GRN: variants seen among roughly 807,000 people sequenced by gnomAD.
The protein encoded by GRN is progranulin.
In GRN, 30 loss-of-function variants were observed where a neutral mutation model predicts 66.7. The ratio of observed to expected loss-of-function variants is 0.45; its 90% CI spans 0.34 to 0.61. The LOEUF (loss-of-function observed/expected upper bound fraction) is 0.61. Ranked by LOEUF, GRN falls within the 20% of genes least tolerant of loss-of-function variation. GRN has a pLI of 0.01. For synonymous variants in GRN, 327 were observed against 311.1 expected (o/e 1.05, Z -0.54); for missense variants, 731 against 803.5 (o/e 0.91, Z 1.09).
chr17:44,350,555 T>C lies in GRN; in HGVS notation c.576T>C (p.Pro192=). The change falls in exon 6 of 13, where the codon CCT becomes CCC. Residue 192 remains proline, a synonymous_variant. Transcript: ENST00000053867. ...CCCACCCCCTGGCAAAGAAGCTCCC[T>C]GCCCAGAGGACTAACAGGGCAGGTG... is the stretch of plus-strand genomic sequence containing the variant. ...TGTHPLAKKL[P]AQRTNRAVAL... 1.2e-6 allele frequency: 2 copies of C among 1,613,938 alleles called. No individual in the cohort carries two copies. The highest frequency in any genetic ancestry group is 1.7e-6 in the Non-Finnish European group (2 of 1,179,946).
intron 8 of GRN, 81 bp downstream of exon 8, chr17:44,351,244 G>T: frequency 6.4e-7 from 1 of 1,568,366 alleles, no homozygotes; most frequent in Non-Finnish European, 8.8e-7. Context: ...ACTGCAAGGT[G>T]GTGTAAGCGG....
chr17:44,350,451 T>C lies in GRN; in HGVS notation c.472T>C (p.Cys158Arg), dbSNP rs2048361584. 6.2e-7 allele frequency: 1 copy of C among 1,613,844 alleles called. No individual in the cohort carries two copies. The highest frequency in any genetic ancestry group is 1.1e-5 in the South Asian group (1 of 91,082). The part of the protein sequence containing the change: ...GCCPMPQASC[C>R]EDRVHCCPHG... ...GACCATTTTTTCTCAGGCTTCCTGC[T>C]GTGAAGACAGGGTGCACTGCTGTCC... is the stretch of plus-strand genomic sequence containing the variant. Residue 158 changes from cysteine to arginine, a missense_variant, in exon 6 of 13, where the codon TGT becomes CGT. Transcript: ENST00000053867.
Position 44,352,752 on chromosome 17 carries a change from G to A in GRN, c.1736G>A (p.Arg579His), listed in dbSNP as rs373138049. The change falls in exon 13 of 13, where the codon CGC becomes CAC. Residue 579 changes from arginine to histidine, a missense_variant. By Grantham distance (29) the Arg-to-His change is conservative. Around this residue, in one of 3 missense-constraint regions of GRN, gnomAD observed 319 missense variants for 347.2 expected, o/e 0.92. Transcript: ENST00000053867. ...GTKCLRREAPRWDAPLRDPAL... is the reference protein window; with the variant it reads ...GTKCLRREAPHWDAPLRDPAL... ...AAGTGTTTGCGCAGGGAGGCCCCGC[G>A]CTGGGACGCCCCTTTGAGGGACCCA... 3.2e-5 allele frequency: 51 copies of A among 1,611,610 alleles called. No individual in the cohort carries two copies. The highest frequency in any genetic ancestry group is 4.0e-5 in the Non-Finnish European group (47 of 1,179,984).
rs768456085 is a variant in GRN at position 44,351,641 on chromosome 17, T to C, written c.1025T>C (p.Val342Ala). Residue 342 changes from valine to alanine, a missense_variant, in exon 10 of 13, where the codon GTG becomes GCG. By Grantham distance (64) the Val-to-Ala change is moderately conservative (BLOSUM62 0). This residue lies in a region of GRN where 319 missense variants were observed against 347.2 expected (regional missense o/e 0.92). Transcript: ENST00000053867. ...ACCTGTGAACAGGGGCCCCACCAGG[T>C]GCCCTGGATGGAGAAGGCCCCAGCT... The part of the protein sequence containing the change: ...KGTCEQGPHQ[V>A]PWMEKAPAHL... 5.6e-6 allele frequency: 9 copies of C among 1,613,972 alleles called. No individual in the cohort carries two copies. The highest frequency in any genetic ancestry group is 7.6e-6 in the Non-Finnish European group (9 of 1,179,920).
Position 44,352,053 on chromosome 17 carries a change from G to C in GRN, c.1218G>C (p.Gln406His). The change falls in exon 11 of 13, where the codon CAG becomes CAC. Residue 406 changes from glutamine to histidine, a missense_variant. Coordinates refer to ENST00000053867, the MANE Select transcript of GRN (RefSeq NM_002087.4). Reference protein sequence around the residue: ...CCSDHQHCCPQGYTCVAEGQC... With the variant: ...CCSDHQHCCPHGYTCVAEGQC... ...CGGACCACCAGCACTGCTGCCCCCAGGGCTACACGTGTGTAGCTGAGGGGC... is the reference window on the plus strand; with the variant it reads ...CGGACCACCAGCACTGCTGCCCCCACGGCTACACGTGTGTAGCTGAGGGGC... 1 of 1,612,962 alleles carries C rather than the reference G, an allele frequency of 6.2e-7. No individual in the cohort carries two copies. The highest frequency in any genetic ancestry group is 1.1e-5 in the South Asian group (1 of 91,032).
intron 4 of GRN, 137 bp from the exon 5 acceptor site, chr17:44,350,091 G>T: frequency 1.3e-6 from 1 of 753,042 alleles, no homozygotes. Flanking sequence ...GCCTGCCTAG[G>T]AGATCACTGA....
chr17:44,352,129 C>T lies in GRN; in HGVS notation c.1294C>T (p.Arg432Cys), dbSNP rs63750130. 149 of 1,613,696 alleles carry T rather than the reference C, an allele frequency of 9.2e-5. No homozygotes were observed. Among genetic ancestry groups the T allele is most frequent in the Middle Eastern group, 1.6e-4 (1 of 6,084 alleles). ...IVAGLEKMPA[R>C]RASLSHPRDI... ...GGCTGGACTGGAGAAGATGCCTGCC[C>T]GCCGGGCTTCCTTATCCCACCCCAG... Residue 432 changes from arginine (R) to cysteine (C), a missense_variant, in exon 11 of 13, where the codon CGC becomes TGC. By Grantham distance (180) the Arg-to-Cys change is radical (BLOSUM62 -3). Around this residue, in one of 3 missense-constraint regions of GRN, gnomAD observed 319 missense variants for 347.2 expected, o/e 0.92. Coordinates refer to ENST00000053867, the MANE Select transcript of GRN (RefSeq NM_002087.4).
chr17:44,349,444 C>G lies in GRN; in HGVS notation c.157C>G (p.Leu53Val), dbSNP rs906652114. ...RPLLDKWPTTLSRHLGGPCQV... is the reference protein window; with the variant it reads ...RPLLDKWPTTVSRHLGGPCQV... ...TTTCTAGGACAAATGGCCCACAACA[C>G]TGAGCAGGCATCTGGGTGGCCCCTG... The change falls in exon 3 of 13, where the codon CTG becomes GTG. Residue 53 changes from leucine to valine, a missense_variant. By Grantham distance (32) the Leu-to-Val change is conservative. Coordinates refer to ENST00000053867, the MANE Select transcript of GRN (RefSeq NM_002087.4). 4.3e-6 allele frequency: 7 copies of G among 1,614,092 alleles called. No individual in the cohort carries two copies. In the African/African-American group the frequency reaches 5.3e-5, roughly 12 times the overall value.
rs778271207 is a variant in GRN, at chr17:44,351,123, C to T, written c.795C>T (p.Asn265=). The change falls in exon 8 of 13, where the codon AAC becomes AAT. Residue 265 remains asparagine (N), a synonymous_variant. Transcript: ENST00000053867. ...LIQSKCLSKE[N]ATTDLLTKLP... is the part of the protein sequence containing the mutation. Reference sequence around the variant, plus strand: ...AGAGTAAGTGCCTCTCCAAGGAGAACGCTACCACGGACCTCCTCACTAAGC... The same window carrying T: ...AGAGTAAGTGCCTCTCCAAGGAGAATGCTACCACGGACCTCCTCACTAAGC... The T allele has an allele frequency of 1.7e-5, 27 of 1,613,966 alleles. No individual in the cohort carries two copies. Among genetic ancestry groups the T allele is most frequent in the South Asian group, 1.4e-4 (13 of 91,088 alleles).
At chr17:44,348,332 A>G (rs1016942844) in intron 1 of GRN, among the ~76,000 whole-genome samples, 9 of 152,154 alleles carry the variant, frequency 5.9e-5, no homozygotes, top group African/African-American at 1.2e-4. Flanking sequence ...GGTGACTCAG[A>G]TGGGCAGCCC....
In GRN at chr17:44,352,072, G is replaced by C; in HGVS notation, c.1237G>C (p.Glu413Gln). The stretch of plus-strand genomic sequence containing the variant: ...CCCCCAGGGCTACACGTGTGTAGCT[G>C]AGGGGCAGTGTCAGCGAGGAAGCGA... ...CCPQGYTCVA[E>Q]GQCQRGSEIV... Residue 413 changes from glutamate (E) to glutamine (Q), a missense_variant, in exon 11 of 13, where the codon GAG becomes CAG. Physicochemically the swap from Glu to Gln is conservative, Grantham distance 29 (BLOSUM62 2). Coordinates refer to ENST00000053867, the MANE Select transcript of GRN (RefSeq NM_002087.4). 2 of 1,613,718 alleles carry C rather than the reference G, an allele frequency of 1.2e-6. No individual in the cohort carries two copies. Among genetic ancestry groups the C allele is most frequent in the Non-Finnish European group, 1.7e-6 (2 of 1,179,908 alleles).
rs2048369569 is a variant in GRN at position 44,351,106 on chromosome 17, T to C, written c.778T>C (p.Cys260Arg). The part of the protein sequence containing the change: ...DTVCDLIQSK[C>R]LSKENATTDL... ...TGTGTGTGACCTGATCCAGAGTAAG[T>C]GCCTCTCCAAGGAGAACGCTACCAC... The change falls in exon 8 of 13, where the codon TGC (cysteine) becomes CGC (arginine). Residue 260 changes from cysteine (C) to arginine (R), a missense_variant. Around this residue, in one of 3 missense-constraint regions of GRN, gnomAD observed 370 missense variants for 379.8 expected, o/e 0.97. Coordinates refer to ENST00000053867, the MANE Select transcript of GRN (RefSeq NM_002087.4). 1.9e-6 allele frequency: 3 copies of C among 1,613,898 alleles called. No homozygotes were observed. The highest frequency in any genetic ancestry group is 2.5e-6 in the Non-Finnish European group (3 of 1,179,916).
intron 1 of GRN, among the ~76,000 whole-genome samples, chr17:44,348,650 C>G (rs143046906): frequency 6.6e-6 from 1 of 152,222 alleles, no homozygotes; most frequent in African/African-American, 2.4e-5. Context: ...GGCCGCTTCC[C>G]GCAAGGCCTT....
Position 44,351,178 on chromosome 17 carries a change from GT to G in GRN, c.835+16del. On this transcript the variant is annotated intron_variant, in intron 8 of 12. Coordinates refer to ENST00000053867, the MANE Select transcript of GRN (RefSeq NM_002087.4). Reference sequence around the variant, plus strand: ...TGCGCACACAGGTACCAGAGGCAGGGTGCAGATACAGGGGTGGGGCCCCCTT... The same window carrying G: ...TGCGCACACAGGTACCAGAGGCAGGGGCAGATACAGGGGTGGGGCCCCCTT... 6.2e-7 allele frequency: 1 copy of G among 1,614,112 alleles called. No individual in the cohort carries two copies.
intron 10 of GRN, 21 bp from the exon 11 acceptor site, chr17:44,351,994 C>G: frequency 6.3e-7 from 1 of 1,595,462 alleles, no homozygotes; most frequent in South Asian, 1.1e-5. Flanking sequence ...CCTACAACGC[C>G]CTTTCCTGCC....
intron 1 of GRN, 100 bp from the exon 2 acceptor site, chr17:44,349,058 T>TG: frequency 1.5e-6 from 2 of 1,340,228 alleles, no homozygotes; most frequent in Admixed American, 3.4e-5. Flanking sequence ...CAGGCAGTCC[T>TG]GGGCCAGGAC....
rs1448831427 is a variant in GRN at position 44,350,522 on chromosome 17, C to G, written c.543C>G (p.Pro181=). The G allele has an allele frequency of 6.2e-7, 1 of 1,613,994 alleles. No homozygotes were observed. Among genetic ancestry groups the G allele is most frequent in the South Asian group, 1.1e-5 (1 of 91,084 alleles). The change falls in exon 6 of 13, where the codon CCC becomes CCG. Residue 181 remains proline (P), a synonymous_variant. Transcript: ENST00000053867. ...CDLVHTRCIT[P]TGTHPLAKKL... Reference sequence around the variant, plus strand: ...TGGTTCACACCCGCTGCATCACACCCACGGGCACCCACCCCCTGGCAAAGA... The same window carrying G: ...TGGTTCACACCCGCTGCATCACACCGACGGGCACCCACCCCCTGGCAAAGA...
chr17:44,350,026 C>G, intron 4 of GRN: 1 of 664,870 alleles, frequency 1.5e-6, no homozygotes. Flanking sequence ...GTGGGTGCCC[C>G]TTCCCCATGC....
At chr17:44,351,286 G>A in intron 8 of GRN, 77 bp from the exon 9 acceptor site, 3 of 1,522,706 alleles carry the variant, frequency 2.0e-6, no homozygotes, top group Non-Finnish European at 1.8e-6. Flanking sequence ...GGTTCCAGCT[G>A]TGGAGCCGGC....
Sources: gnomAD v4.1 joint callset for allele counts (sites outside exome capture counted in the v4.1 genomes callset) on GRCh38, gnomAD v4.1.1 for gene constraint, gnomAD v4.1.1 regional missense constraint, MANE v1.5 for transcripts, NCBI Gene and HGNC (gene_info 2026-07-23, HGNC 2026-07-21) for gene names.